The following UNC80 variants were observed in gnomAD, a reference collection of about 807,000 sequenced individuals.
UNC80 encodes unc-80 subunit of NALCN channel complex.
A neutral mutation model predicts 384.6 loss-of-function variants in UNC80; 164 were observed. That is an observed-to-expected ratio of 0.43 (90% CI 0.38 to 0.49). The LOEUF (loss-of-function observed/expected upper bound fraction) is 0.49. UNC80 is among the 20% of genes least tolerant of loss of function. UNC80 has a pLI of 0.00. For synonymous variants in UNC80, 1,486 were observed against 1,527.8 expected (o/e 0.97, Z 0.64); for missense variants, 3,330 against 4,143.0 (o/e 0.80, Z 5.39).
chr2:209,888,428 G>T (rs2086027181), intron 26 of UNC80, among the ~76,000 whole-genome samples, 168 bp downstream of exon 26: 1 of 152,144 alleles, frequency 6.6e-6, no homozygotes, highest in Non-Finnish European at 1.5e-5. Flanking sequence ...GTTGGTCTCT[G>T]CAGTCAGAGA....
chr2:209,969,674 G>C (rs1341318649), intron 52 of UNC80, 94 bp from the exon 53 acceptor site: 4 of 1,489,624 alleles, frequency 2.7e-6, no homozygotes, highest in South Asian at 1.3e-5. Context: ...GACACATCCT[G>C]TCTTAGATGG....
Position 209,894,209 on chromosome 2 carries a change from T to A in UNC80, c.4323T>A (p.Ile1441=). 1.0e-6 allele frequency: 1 copy of A among 985,420 alleles called. No individual in the cohort carries two copies. The highest frequency in any genetic ancestry group is 1.2e-6 in the Non-Finnish European group (1 of 829,924). The allele number at this position is 985,420 out of a possible 1,614,324, so 61.0% of individuals were successfully genotyped here. A position where few individuals can be genotyped will look rare whatever the true frequency, so the allele number is the denominator to read the frequency against. The change falls in exon 27 of 65, where the codon ATT becomes ATA. Residue 1441 remains isoleucine (I), a synonymous_variant. Transcript: ENST00000673920. ...IRIGGSRLLQ[I]KGTRSFQVKK... ...TAGGAGGTTCTCGCCTGCTCCAGAT[T>A]AAAGGAACCCGCAGTTTCCAGGTGA...
intron 4 of UNC80, among the ~76,000 whole-genome samples, chr2:209,780,089 T>G (rs373019953): frequency 1.3e-5 from 2 of 152,368 alleles, no homozygotes; most frequent in East Asian, 3.9e-4. Flanking sequence ...TAACAAATGT[T>G]AGTTGTCTTT....
Position 209,839,216 on chromosome 2 carries a change from C to A in UNC80, c.3042-6C>A, listed in dbSNP as rs2081563019. On this transcript the variant is annotated splice_region_variant and splice_polypyrimidine_tract_variant and intron_variant, in intron 18 of 64. Transcript: ENST00000673920. This position sits in a 1 kb window ranked among gnomAD's most constrained non-coding sequence, Gnocchi z 4.1. Reference sequence around the variant, plus strand: ...AAGTTTAACCCTATCCTCTGCTTGCCTACAGCGATGAACAAATGCAAGGAG... The same window carrying A: ...AAGTTTAACCCTATCCTCTGCTTGCATACAGCGATGAACAAATGCAAGGAG... 1 of 1,551,048 alleles carries A rather than the reference C, an allele frequency of 6.4e-7. No homozygotes were observed. Among genetic ancestry groups the A allele is most frequent in the South Asian group, 1.2e-5 (1 of 84,032 alleles).
At chr2:209,954,300 C>A in intron 48 of UNC80, 30 bp downstream of exon 48, 1 of 1,424,514 alleles carries the variant, frequency 7.0e-7, no homozygotes, top group Non-Finnish European at 9.2e-7. Context: ...TAGCTACAGC[C>A]TTACATCATA....
chr2:209,937,692 C>A, intron 42 of UNC80, 62 bp downstream of exon 42: 1 of 1,278,852 alleles, frequency 7.8e-7, no homozygotes, highest in Non-Finnish European at 1.1e-6. Context: ...GATATCTGTT[C>A]ATACTTTGCC....
intron 31 of UNC80, among the ~76,000 whole-genome samples, chr2:209,914,649 CTGTGTGTGTG>C (rs200222549): frequency 7.0e-5 from 9 of 128,498 alleles, no homozygotes; most frequent in African/African-American, 1.1e-4. Context: ...CTAGGGTAAA[CTGTGTGTGTG>C]TGTGTGTGTG....
chr2:209,934,040 A>C, intron 39 of UNC80, 35 bp downstream of exon 39: 1 of 1,449,448 alleles, frequency 6.9e-7, no homozygotes, highest in Non-Finnish European at 9.2e-7. Context: ...ACATAACTTT[A>C]AAAAAAAATT....
At chr2:209,865,799 T>G (rs1447066382) in intron 22 of UNC80, among the ~76,000 whole-genome samples, 2 of 152,226 alleles carry the variant, frequency 1.3e-5, no homozygotes, top group African/African-American at 4.8e-5. Flanking sequence ...ATTTCAGAAG[T>G]GTCTTTAGTG....
intron 47 of UNC80, among the ~76,000 whole-genome samples, chr2:209,952,892 G>C (rs16843970): frequency 0.1 from 15,909 of 152,112 alleles, 2,105 homozygotes; most frequent in African/African-American, 0.31. Flanking sequence ...CCGTACCCAT[G>C]AAATTCTGAT....
At chr2:209,936,379 A>G (rs2091246062) in intron 40 of UNC80, among the ~76,000 whole-genome samples, 2 of 152,214 alleles carry the variant, frequency 1.3e-5, no homozygotes. Context: ...TATGCCTAGT[A>G]TATAGTATAT....
At chr2:209,928,678 A>T (rs965816880) in intron 36 of UNC80, among the ~76,000 whole-genome samples, 3 of 152,202 alleles carry the variant, frequency 2.0e-5, no homozygotes, top group African/African-American at 7.2e-5. Flanking sequence ...TTGTGTTAGG[A>T]ACACTCAAAA....
chr2:209,918,523 A>G lies in UNC80; in HGVS notation c.5212-9A>G. The G allele has an allele frequency of 1.9e-6, 3 of 1,551,426 alleles. No homozygotes were observed. The highest frequency in any genetic ancestry group is 2.6e-6 in the Non-Finnish European group (3 of 1,146,578). On this transcript the variant is annotated splice_polypyrimidine_tract_variant and intron_variant, in intron 32 of 64. Transcript: ENST00000673920. ...CCTCTCACCTAATTTTTCTGATGTC[A>G]ACTAACAGATTCCGCCTCCCAGTAT...
At chr2:209,966,467 TC>T (rs2092744357) in intron 51 of UNC80, among the ~76,000 whole-genome samples, 1 of 152,240 alleles carries the variant, frequency 6.6e-6, no homozygotes, top group Non-Finnish European at 1.5e-5. Flanking sequence ...AAATACTTTC[TC>T]CTTCATACAA....
intron 5 of UNC80, among the ~76,000 whole-genome samples, 186 bp from the exon 6 acceptor site, chr2:209,789,346 T>TA (rs2077651380): frequency 6.6e-6 from 1 of 152,158 alleles, no homozygotes; most frequent in African/African-American, 2.4e-5. Flanking sequence ...TCTACATCAA[T>TA]AACCAAAAAA....
chr2:209,977,112 G>A, intron 58 of UNC80, 34 bp downstream of exon 58: 2 of 1,453,170 alleles, frequency 1.4e-6, no homozygotes, highest in Non-Finnish European at 1.9e-6. Context: ...GAATTTGTTT[G>A]ACTAATGGAA....
chr2:209,816,277 T>C (rs2079728565), intron 9 of UNC80, among the ~76,000 whole-genome samples: 3 of 152,252 alleles, frequency 2.0e-5, no homozygotes, highest in South Asian at 4.1e-4. Flanking sequence ...GGAATTGTTA[T>C]ATTTTAAAAG....
At chr2:209,919,844 G>A (rs1333849220) in intron 33 of UNC80, among the ~76,000 whole-genome samples, 1 of 152,144 alleles carries the variant, frequency 6.6e-6, no homozygotes, top group East Asian at 1.9e-4. Flanking sequence ...AGAGGTGGTG[G>A]GTTCATCTGA....
At position 209,922,370 on chromosome 2, in the gene UNC80, C is replaced by T. The variant is rs1047565168; in HGVS notation, c.5649C>T (p.Ala1883=). 1.3e-5 allele frequency: 20 copies of T among 1,551,464 alleles called. No individual in the cohort carries two copies. The highest frequency in any genetic ancestry group is 1.7e-5 in the Non-Finnish European group (19 of 1,146,878). Residue 1883 remains alanine (A), a synonymous_variant, in exon 35 of 65, where the codon GCC becomes GCT. Coordinates refer to ENST00000673920, the MANE Select transcript of UNC80 (RefSeq NM_001371986.1). ...RRGSVWSVRS[A]VSAEDEEHTT... is the part of the protein sequence containing the mutation. ...GGTCAGTCTGGTCAGTGCGTTCAGC[C>T]GTCAGTGCTGAAGGTGTGTCCTCTT...
Sources: gnomAD v4.1 joint callset for allele counts (sites outside exome capture counted in the v4.1 genomes callset) on GRCh38, gnomAD v4.1.1 for gene constraint, Gnocchi (gnomAD v3.1) non-coding constraint, MANE v1.5 for transcripts, NCBI Gene and HGNC (gene_info 2026-07-23, HGNC 2026-07-21) for gene names.